MARCHF1: variants seen among roughly 807,000 people sequenced by gnomAD.
MARCHF1 encodes the protein E3 ubiquitin-protein ligase MARCHF1.
Under a neutral mutation model 54.2 loss-of-function variants are expected in MARCHF1, and 40 were observed. The observed-to-expected ratio is 0.74, with a 90% CI of 0.57 to 0.96. MARCHF1 has a LOEUF of 0.96. Among genes scored for constraint, MARCHF1 ranks in the 40% least tolerant of loss-of-function variants. MARCHF1 has a pLI of 0.00. For synonymous variants in MARCHF1, 236 were observed against 236.3 expected, an observed-to-expected ratio of 1.00 and a Z score of 0.01; for missense variants, 586 against 656.5, an observed-to-expected ratio of 0.89 and a Z score of 1.17.
intron 2 of MARCHF1, among the ~76,000 whole-genome samples, chr4:164,000,198 T>A (rs1212541136): frequency 1.3e-5 from 2 of 151,774 alleles, no homozygotes; most frequent in Non-Finnish European, 3.0e-5. Context: ...TTCCCAAGAA[T>A]AAGTAGTCAA....
intron 1 of MARCHF1, among the ~76,000 whole-genome samples, chr4:164,320,181 C>T (rs189942701): frequency 6.6e-6 from 1 of 152,108 alleles, no homozygotes; most frequent in African/African-American, 2.4e-5. Flanking sequence ...GAAACCAAAA[C>T]GATATTTCTA....
In MARCHF1 at chr4:164,062,722, C is replaced by T. The variant is rs540116418; in HGVS notation, c.-248+48866G>A. Among the ~76,000 whole-genome samples, 26 of 152,208 alleles carry T rather than the reference C, an allele frequency of 1.7e-4. No homozygotes were observed. In the East Asian group the frequency reaches 2.5e-3, roughly 15 times the overall value. On this transcript the variant is annotated intron_variant, in intron 2 of 9. Transcript: ENST00000514618. The stretch of plus-strand genomic sequence containing the variant: ...TATTTTTAGTAGAGACGGGGTTTCA[C>T]CACGTTAGCCAGGCTAGTCTCCAAC...
chr4:163,534,453 T>G (rs1477930367), intron 9 of MARCHF1, among the ~76,000 whole-genome samples: 1 of 51,952 alleles, frequency 1.9e-5, no homozygotes, highest in Non-Finnish European at 5.0e-5. Flanking sequence ...AACTCTGAAC[T>G]TCTTAATAAA....
chr4:163,680,948 A>G (rs560340877), intron 5 of MARCHF1, among the ~76,000 whole-genome samples: 3 of 151,340 alleles, frequency 2.0e-5, no homozygotes, highest in African/African-American at 7.2e-5. Flanking sequence ...ACATACATAC[A>G]TACACACATA....
At chr4:164,057,638 C>T (rs189693018) in intron 2 of MARCHF1, among the ~76,000 whole-genome samples, 1 of 152,130 alleles carries the variant, frequency 6.6e-6, no homozygotes, top group East Asian at 1.9e-4. Context: ...TATATTGGGT[C>T]AAGAGGTAAC....
chr4:164,244,334 G>C (rs1027305018), intron 1 of MARCHF1, among the ~76,000 whole-genome samples: 1 of 152,162 alleles, frequency 6.6e-6, no homozygotes, highest in African/African-American at 2.4e-5. Flanking sequence ...CATGGAAACT[G>C]AACAACCTGC....
chr4:164,144,899 G>C (rs1329715660), intron 1 of MARCHF1, among the ~76,000 whole-genome samples: 1 of 122,260 alleles, frequency 8.2e-6, no homozygotes, highest in Non-Finnish European at 1.6e-5. Flanking sequence ...TTTTTGAAAG[G>C]ATCAACAAAA....
intron 2 of MARCHF1, among the ~76,000 whole-genome samples, chr4:164,096,300 C>G (rs750773071): frequency 1.7e-4 from 26 of 152,082 alleles, no homozygotes; most frequent in Non-Finnish European, 3.7e-4. Context: ...TTATCCTAAG[C>G]AAACTAACAC....
chr4:163,965,373 C>G (rs1356151016), intron 3 of MARCHF1, among the ~76,000 whole-genome samples: 1 of 149,110 alleles, frequency 6.7e-6, no homozygotes, highest in African/African-American at 2.5e-5. Context: ...CTCATGCACG[C>G]TCTACACAGT....
At chr4:163,654,812 C>T (rs1743084423) in intron 5 of MARCHF1, among the ~76,000 whole-genome samples, 1 of 151,648 alleles carries the variant, frequency 6.6e-6, no homozygotes, top group African/African-American at 2.4e-5. Flanking sequence ...CTTTTACAAT[C>T]TGTCAATTTA....
chr4:163,697,760 C>A (rs1176092160), intron 5 of MARCHF1, among the ~76,000 whole-genome samples: 2 of 152,002 alleles, frequency 1.3e-5, no homozygotes, highest in Admixed American at 6.6e-5. Flanking sequence ...TGACATAAGA[C>A]AATTTATTAT....
At chr4:163,730,671 T>G (rs185116820) in intron 4 of MARCHF1, among the ~76,000 whole-genome samples, 1 of 152,196 alleles carries the variant, frequency 6.6e-6, no homozygotes, top group African/African-American at 2.4e-5. Flanking sequence ...GCACCTACTT[T>G]TTTATTTTTA....
At chr4:164,204,527 G>C (rs1007719676) in intron 1 of MARCHF1, among the ~76,000 whole-genome samples, 2 of 152,170 alleles carry the variant, frequency 1.3e-5, no homozygotes, top group Non-Finnish European at 2.9e-5. Flanking sequence ...TATTTTGCCA[G>C]TGAAAAATGA....
At chr4:163,986,573 CTT>C (rs1380653338) in intron 3 of MARCHF1, among the ~76,000 whole-genome samples, 1 of 152,090 alleles carries the variant, frequency 6.6e-6, no homozygotes, top group Non-Finnish European at 1.5e-5. Flanking sequence ...CCAACTTCTT[CTT>C]TCTTTAAGAG....
Position 163,528,324 on chromosome 4 carries a change from A to ATTT in MARCHF1, c.*423_*424insAAA. 9.7e-6 allele frequency: 1 copy of ATTT among 102,602 alleles called. No individual in the cohort carries two copies. Among genetic ancestry groups the ATTT allele is most frequent in the South Asian group, 2.7e-4 (1 of 3,728 alleles). The allele number at this position is 102,602 out of a possible 1,614,324, so 6.4% of individuals were successfully genotyped here. On this transcript the variant is annotated 3_prime_UTR_variant, in exon 10 of 10. Coordinates refer to ENST00000514618, the MANE Select transcript of MARCHF1 (RefSeq NM_001394959.1). Reference sequence around the variant, plus strand: ...TTTCAGGCTTAAAACCAAATATGTTAGTTATTTCCAGATGAGACAGTTAAC... The same window carrying ATTT: ...TTTCAGGCTTAAAACCAAATATGTTATTTGTTATTTCCAGATGAGACAGTTAAC...
At chr4:164,005,342 G>C (rs1753264948) in intron 2 of MARCHF1, among the ~76,000 whole-genome samples, 1 of 152,116 alleles carries the variant, frequency 6.6e-6, no homozygotes, top group East Asian at 1.9e-4. Context: ...CAGACTTCCA[G>C]TTTTAAAACA....
chr4:163,654,827 C>T (rs1269347408), intron 5 of MARCHF1, among the ~76,000 whole-genome samples: 3 of 151,640 alleles, frequency 2.0e-5, no homozygotes, highest in Non-Finnish European at 4.4e-5. Context: ...AATTTAATCT[C>T]TGTTTCATGA....
chr4:163,788,231 A>T (rs1179600671), intron 4 of MARCHF1, among the ~76,000 whole-genome samples: 1 of 152,006 alleles, frequency 6.6e-6, no homozygotes, highest in Non-Finnish European at 1.5e-5. Flanking sequence ...GTTTTACCAC[A>T]ATGAAAAACG....
chr4:163,773,175 T>A (rs4691102), intron 4 of MARCHF1, among the ~76,000 whole-genome samples: 119,521 of 151,860 alleles, frequency 0.79, 48,468 homozygotes, highest in South Asian at 0.9. Context: ...AGAGCATAGA[T>A]GTGTTATGAA....
Sources: allele counts gnomAD v4.1 joint callset (sites outside exome capture counted in the v4.1 genomes callset), GRCh38; gene constraint gnomAD v4.1.1; transcripts MANE v1.5; gene names NCBI Gene and HGNC (gene_info 2026-07-23, HGNC 2026-07-21).